FBXO15: variants seen among roughly 807,000 people sequenced by gnomAD.
FBXO15 encodes F-box only protein 15.
Under a neutral mutation model 49.5 loss-of-function variants are expected in FBXO15, and 30 were observed. That is an observed-to-expected ratio of 0.61 (90% CI 0.45 to 0.82). FBXO15 has a LOEUF of 0.82. Ranked by LOEUF, FBXO15 falls within the 40% of genes least tolerant of loss-of-function variation. The pLI is 0.00. For missense variants in FBXO15, 591 were observed against 631.5 expected, an observed-to-expected ratio of 0.94 and a Z score of 0.69; for synonymous variants, 250 against 232.7, an observed-to-expected ratio of 1.07 and a Z score of -0.68.
chr18:74,140,562 A>T (rs1483041010), intron 1 of FBXO15, among the ~76,000 whole-genome samples: 1 of 151,470 alleles, frequency 6.6e-6, no homozygotes, highest in Non-Finnish European at 1.5e-5. Flanking sequence ...AGGGAGGAAG[A>T]GACAGTGAGA....
chr18:74,126,070 T>C lies in FBXO15; in HGVS notation c.817A>G (p.Asn273Asp). 1 of 1,613,990 alleles carries C rather than the reference T, an allele frequency of 6.2e-7. No individual in the cohort carries two copies. The highest frequency in any genetic ancestry group is 1.3e-5 in the African/African-American group (1 of 75,020). ...LRWHSLIAKY[N>D]LSHLTISTMI... is the part of the protein sequence containing the mutation. ...GTAGATATGGTCAAATGACTCAGAT[T>C]GTACTTTGCAATTAAAGAATGCCAT... The change falls in exon 6 of 10, where the codon AAT becomes GAT. Residue 273 changes from asparagine (N) to aspartate (D), a missense_variant. Physicochemically the swap from Asn to Asp is conservative, Grantham distance 23. Transcript: ENST00000419743.
At chr18:74,113,774 G>T (rs1010422768) in intron 8 of FBXO15, among the ~76,000 whole-genome samples, 1 of 152,146 alleles carries the variant, frequency 6.6e-6, no homozygotes, top group African/African-American at 2.4e-5. Context: ...GTAATCATTA[G>T]CCTGATACAA....
At chr18:74,115,199 A>G (rs1472263540) in intron 8 of FBXO15, among the ~76,000 whole-genome samples, 1 of 152,190 alleles carries the variant, frequency 6.6e-6, no homozygotes, top group African/African-American at 2.4e-5. Flanking sequence ...AAGCTAAGAG[A>G]CACGAGCTGT....
chr18:74,137,101 G>A (rs1978770658), intron 2 of FBXO15, among the ~76,000 whole-genome samples: 1 of 152,174 alleles, frequency 6.6e-6, no homozygotes. Context: ...CCATGTAAAT[G>A]TCCCCACTGC....
chr18:74,094,381 G>A (rs1449794368), intron 8 of FBXO15, among the ~76,000 whole-genome samples: 1 of 152,098 alleles, frequency 6.6e-6, no homozygotes, highest in Non-Finnish European at 1.5e-5. Flanking sequence ...TTTGCCATAT[G>A]ATGTGCCTAC....
At chr18:74,133,704 G>A (rs1344255123) in intron 3 of FBXO15, among the ~76,000 whole-genome samples, 1 of 152,192 alleles carries the variant, frequency 6.6e-6, no homozygotes, top group Admixed American at 6.5e-5. Context: ...TCTGCCTCTG[G>A]TGAAGCCTCA....
intron 8 of FBXO15, among the ~76,000 whole-genome samples, chr18:74,088,175 T>C (rs1018443339): frequency 2.0e-5 from 3 of 152,308 alleles, no homozygotes; most frequent in South Asian, 4.1e-4. Context: ...ACTTGGTTGA[T>C]AGTTTCTTTT....
chr18:74,093,595 A>G (rs758083423), intron 8 of FBXO15, among the ~76,000 whole-genome samples: 1 of 152,344 alleles, frequency 6.6e-6, no homozygotes, highest in East Asian at 1.9e-4. Flanking sequence ...ATCTGTAAGA[A>G]GCAACTCCTT....
chr18:74,139,210 A>T (rs144774484), intron 2 of FBXO15, among the ~76,000 whole-genome samples: 1 of 152,210 alleles, frequency 6.6e-6, no homozygotes, highest in East Asian at 1.9e-4. Context: ...TTTTCTCAAC[A>T]ACAGGTATCC....
intron 6 of FBXO15, 58 bp from the exon 7 acceptor site, chr18:74,124,629 A>G (rs970473690): frequency 1.7e-5 from 25 of 1,460,282 alleles, no homozygotes; most frequent in Non-Finnish European, 2.0e-5. Flanking sequence ...ATTTTTCACA[A>G]GATCATTGTG....
At chr18:74,123,542 T>C in intron 7 of FBXO15, 32 bp from the exon 8 acceptor site, 3 of 1,579,102 alleles carry the variant, frequency 1.9e-6, no homozygotes, top group Non-Finnish European at 2.6e-6. Context: ...ACATACAAAT[T>C]TGTCAACACC....
chr18:74,084,824 G>A (rs941589800), intron 8 of FBXO15, among the ~76,000 whole-genome samples: 14 of 152,136 alleles, frequency 9.2e-5, no homozygotes, highest in Non-Finnish European at 1.8e-4. Flanking sequence ...TCCGAACTCA[G>A]TAAAATACGG....
At chr18:74,143,558 G>A (rs1044929189) in intron 1 of FBXO15, among the ~76,000 whole-genome samples, 7 of 152,198 alleles carry the variant, frequency 4.6e-5, no homozygotes, top group Admixed American at 3.3e-4. Flanking sequence ...TGCACAGATA[G>A]TTCACTCAAG....
chr18:74,095,274 T>G (rs958166298), intron 8 of FBXO15, among the ~76,000 whole-genome samples: 3 of 152,250 alleles, frequency 2.0e-5, no homozygotes, highest in African/African-American at 7.2e-5. Context: ...TCCTTTGTAT[T>G]AATGACTTGG....
At chr18:74,082,072 T>G (rs1235430099) in intron 8 of FBXO15, 21 bp from the exon 9 acceptor site, 1 of 1,606,046 alleles carries the variant, frequency 6.2e-7, no homozygotes, top group African/African-American at 1.3e-5. Flanking sequence ...ATAAGATTGT[T>G]TCAATCACTG....
intron 8 of FBXO15, chr18:74,099,675 C>A (rs894305443): frequency 6.6e-6 from 1 of 152,086 alleles, no homozygotes; most frequent in Admixed American, 6.5e-5. Flanking sequence ...AGAAACTCAC[C>A]TAACACATAA....
chr18:74,136,293 C>T (rs1439862275), intron 2 of FBXO15, among the ~76,000 whole-genome samples: 3 of 152,130 alleles, frequency 2.0e-5, no homozygotes, highest in East Asian at 1.9e-4. Context: ...GCCATTCTCC[C>T]GCCTCAGCCT....
intron 5 of FBXO15, among the ~76,000 whole-genome samples, chr18:74,128,316 TC>T (rs1170180481): frequency 2.1e-5 from 3 of 142,538 alleles, no homozygotes; most frequent in Non-Finnish European, 4.5e-5. Context: ...AAAAACAAGG[TC>T]CCCAGTTACA....
chr18:74,094,888 T>C (rs1023160652), intron 8 of FBXO15, among the ~76,000 whole-genome samples: 4 of 152,240 alleles, frequency 2.6e-5, no homozygotes, highest in Non-Finnish European at 4.4e-5. Flanking sequence ...TGAGAATCCA[T>C]TGTTTAGTGT....
Sources: gnomAD v4.1 joint callset for allele counts (sites outside exome capture counted in the v4.1 genomes callset) on GRCh38, gnomAD v4.1.1 for gene constraint, MANE v1.5 for transcripts, NCBI Gene and HGNC (gene_info 2026-07-23, HGNC 2026-07-21) for gene names.